Variants in DOCK2 observed in about 807,000 individuals in gnomAD.
The protein encoded by DOCK2 is dedicator of cytokinesis 2.
In DOCK2, 87 loss-of-function variants were observed where a neutral mutation model predicts 248.9. The observed-to-expected ratio is 0.35, with a 90% CI of 0.29 to 0.42. The LOEUF is 0.42. Ranked by LOEUF, DOCK2 falls within the 10% of genes least tolerant of loss-of-function variation. The pLI, the probability that DOCK2 is intolerant of heterozygous loss-of-function variation, is 1.00. For missense variants in DOCK2, 1,747 were observed against 2,300.2 expected (o/e 0.76, Z 4.92); for synonymous variants, 805 against 821.6 (o/e 0.98, Z 0.35).
intron 27 of DOCK2, among the ~76,000 whole-genome samples, chr5:169,982,717 A>G (rs1218668591): frequency 6.6e-6 from 1 of 152,218 alleles, no homozygotes; most frequent in Non-Finnish European, 1.5e-5. Flanking sequence ...TTCTTTTGAT[A>G]CTGCTCTAGA....
At chr5:170,050,458 G>T in intron 41 of DOCK2, 61 bp downstream of exon 41, 1 of 1,545,954 alleles carries the variant, frequency 6.5e-7, no homozygotes, top group Non-Finnish European at 8.7e-7. Flanking sequence ...CAGGGCTGCA[G>T]CCCACAAAGA....
At chr5:169,791,850 T>C (rs1766356022) in intron 25 of DOCK2, among the ~76,000 whole-genome samples, 1 of 152,206 alleles carries the variant, frequency 6.6e-6, no homozygotes, top group Admixed American at 6.5e-5. Context: ...CAATGTACAT[T>C]GCATATCTCT....
At chr5:170,077,974 C>G (rs1402331637) in intron 48 of DOCK2, 137 bp downstream of exon 48, 2 of 739,214 alleles carry the variant, frequency 2.7e-6, no homozygotes, top group South Asian at 3.7e-5. Context: ...TTCCCATCTG[C>G]AGTCTCACAA....
At chr5:169,684,580 AT>A (rs1759848111) in intron 8 of DOCK2, among the ~76,000 whole-genome samples, 1 of 152,240 alleles carries the variant, frequency 6.6e-6, no homozygotes, top group African/African-American at 2.4e-5. Flanking sequence ...TGTAAAATAG[AT>A]TTTGATTGCC....
intron 26 of DOCK2, among the ~76,000 whole-genome samples, chr5:169,834,881 T>C (rs1769464432): frequency 6.6e-6 from 1 of 152,080 alleles, no homozygotes; most frequent in Non-Finnish European, 1.5e-5. Context: ...GCAAATCTAC[T>C]TGGAGGACAC....
intron 34 of DOCK2, 88 bp downstream of exon 34, chr5:170,028,036 C>G (rs1426604384): frequency 4.2e-6 from 5 of 1,183,928 alleles, no homozygotes; most frequent in Middle Eastern, 2.3e-4. Flanking sequence ...CCGAGTGGCT[C>G]TGTCCTCCCC....
At chr5:169,867,953 A>G (rs549079568) in intron 27 of DOCK2, among the ~76,000 whole-genome samples, 10 of 152,334 alleles carry the variant, frequency 6.6e-5, no homozygotes, top group Admixed American at 6.5e-4. Flanking sequence ...AGGAACACAC[A>G]TAGTTCACAG....
chr5:170,013,478 G>A (rs768517963), intron 32 of DOCK2, among the ~76,000 whole-genome samples: 8 of 151,990 alleles, frequency 5.3e-5, no homozygotes, highest in Non-Finnish European at 8.8e-5. Flanking sequence ...GGTGAAAAAC[G>A]GAAGCTGGAG....
At chr5:169,903,924 G>A (rs988972334) in intron 27 of DOCK2, among the ~76,000 whole-genome samples, 1 of 151,784 alleles carries the variant, frequency 6.6e-6, no homozygotes, top group African/African-American at 2.4e-5. Context: ...ACATGGCGAA[G>A]CTCTGCCTCT....
At chr5:169,710,870 C>T (rs1319681982) in intron 15 of DOCK2, among the ~76,000 whole-genome samples, 1 of 152,212 alleles carries the variant, frequency 6.6e-6, no homozygotes, top group Non-Finnish European at 1.5e-5. Context: ...TCAGTTGTAT[C>T]TCCTTGCTAG....
intron 27 of DOCK2, among the ~76,000 whole-genome samples, chr5:169,896,875 G>A (rs116158339): frequency 0.044 from 6,348 of 145,278 alleles, 167 homozygotes; most frequent in Non-Finnish European, 0.062. Flanking sequence ...GTAGATGACA[G>A]AAGATGAGAG....
chr5:169,808,904 T>A (rs1767569490), intron 26 of DOCK2, among the ~76,000 whole-genome samples: 1 of 147,434 alleles, frequency 6.8e-6, no homozygotes, highest in Non-Finnish European at 1.5e-5. Context: ...CAGAATCATC[T>A]TTTTTTAAAA....
intron 21 of DOCK2, 84 bp downstream of exon 21, chr5:169,717,568 T>C: frequency 7.7e-7 from 1 of 1,301,120 alleles, no homozygotes; most frequent in East Asian, 2.3e-5. Flanking sequence ...CTTGAGTAAT[T>C]TTCTTTTGTG....
At chr5:169,739,534 G>C (rs561029198) in intron 22 of DOCK2, among the ~76,000 whole-genome samples, 18 of 152,160 alleles carry the variant, frequency 1.2e-4, no homozygotes, top group Non-Finnish European at 2.2e-4. Flanking sequence ...TAAAATAAGT[G>C]TATATAATGG....
At chr5:169,806,221 T>G (rs913691535) in intron 26 of DOCK2, among the ~76,000 whole-genome samples, 2 of 142,326 alleles carry the variant, frequency 1.4e-5, no homozygotes, top group African/African-American at 5.1e-5. Flanking sequence ...CCTCGAGAGT[T>G]TTTTTTTTTT....
intron 27 of DOCK2, among the ~76,000 whole-genome samples, chr5:169,908,827 G>C (rs1774439411): frequency 6.7e-6 from 1 of 149,068 alleles, no homozygotes; most frequent in African/African-American, 2.5e-5. Flanking sequence ...CAATTCTCCT[G>C]CCTCAGCCTC....
intron 14 of DOCK2, among the ~76,000 whole-genome samples, chr5:169,707,718 G>C (rs1430778800): frequency 6.6e-6 from 1 of 152,096 alleles, no homozygotes; most frequent in Non-Finnish European, 1.5e-5. Context: ...CTCTCCTTTT[G>C]TCCAGCACTG....
chr5:169,684,718 C>T (rs920424521), intron 8 of DOCK2, among the ~76,000 whole-genome samples: 3 of 152,184 alleles, frequency 2.0e-5, no homozygotes, highest in African/African-American at 4.8e-5. Flanking sequence ...GGTGCAATCA[C>T]GGCTCGCTGT....
At chr5:170,017,340 G>A (rs558220599) in intron 32 of DOCK2, among the ~76,000 whole-genome samples, 1 of 152,180 alleles carries the variant, frequency 6.6e-6, no homozygotes, top group East Asian at 1.9e-4. Flanking sequence ...AGGAGAAGGA[G>A]GTAGCAGCTG....
Sources: allele counts gnomAD v4.1 joint callset (sites outside exome capture counted in the v4.1 genomes callset), GRCh38; gene constraint gnomAD v4.1.1; transcripts MANE v1.5; gene names NCBI Gene and HGNC (gene_info 2026-07-23, HGNC 2026-07-21).